CHRM3: variants seen among roughly 807,000 people sequenced by gnomAD.
CHRM3 encodes muscarinic acetylcholine receptor M3.
Under a neutral mutation model 41.8 loss-of-function variants are expected in CHRM3, and 11 were observed. The ratio of observed to expected loss-of-function variants is 0.26; its 90% CI spans 0.17 to 0.44. CHRM3 has a LOEUF of 0.44. Among genes scored for constraint, CHRM3 ranks in the 20% least tolerant of loss-of-function variants. CHRM3 has a pLI of 1.00. For missense variants in CHRM3, 571 were observed against 745.4 expected (o/e 0.77, Z 2.72); for synonymous variants, 297 against 301.4 (o/e 0.99, Z 0.15).
intron 1 of CHRM3, among the ~76,000 whole-genome samples, chr1:239,421,951 T>C (rs1189262806): frequency 6.6e-6 from 1 of 152,172 alleles, no homozygotes; most frequent in Non-Finnish European, 1.5e-5. Context: ...CAAAATTCAA[T>C]AATTGTAAGG....
chr1:239,849,057 A>G (rs1473270142), intron 6 of CHRM3, among the ~76,000 whole-genome samples: 1 of 152,208 alleles, frequency 6.6e-6, no homozygotes, highest in Non-Finnish European at 1.5e-5. Flanking sequence ...GGAACTTTCA[A>G]CAATTTTAAG....
chr1:239,710,861 G>C (rs1223533667), intron 5 of CHRM3, among the ~76,000 whole-genome samples: 2 of 151,712 alleles, frequency 1.3e-5, no homozygotes, highest in East Asian at 1.9e-4. Context: ...CAAACAACCT[G>C]CCGTGTTCCT....
At chr1:239,616,087 CAAAT>C (rs891073044) in intron 3 of CHRM3, among the ~76,000 whole-genome samples, 3 of 152,130 alleles carry the variant, frequency 2.0e-5, no homozygotes, top group African/African-American at 7.2e-5. Context: ...CTTAAATAAA[CAAAT>C]AAACAACTAT....
chr1:239,689,992 G>A (rs1659545233), intron 5 of CHRM3, among the ~76,000 whole-genome samples: 1 of 151,994 alleles, frequency 6.6e-6, no homozygotes, highest in South Asian at 2.1e-4. Context: ...CCCAGAACAC[G>A]CTTAAAGGAT....
chr1:239,704,740 T>C (rs1660987853), intron 5 of CHRM3: 1 of 152,148 alleles, frequency 6.6e-6, no homozygotes, highest in African/African-American at 2.4e-5. Context: ...AGGAAAGATA[T>C]ATTAATATTT....
intron 3 of CHRM3, among the ~76,000 whole-genome samples, chr1:239,567,405 T>C (rs1194236386): frequency 6.6e-6 from 1 of 152,122 alleles, no homozygotes; most frequent in Non-Finnish European, 1.5e-5. Context: ...TGTGATGCAG[T>C]TAACATTTTC....
At chr1:239,610,486 G>A (rs1164428923) in intron 3 of CHRM3, among the ~76,000 whole-genome samples, 1 of 152,038 alleles carries the variant, frequency 6.6e-6, no homozygotes, top group African/African-American at 2.4e-5. Context: ...CTCTAATGCT[G>A]CTCCTAATCT....
At chr1:239,441,204 T>C (rs1663689138) in intron 1 of CHRM3, among the ~76,000 whole-genome samples, 1 of 152,202 alleles carries the variant, frequency 6.6e-6, no homozygotes, top group Non-Finnish European at 1.5e-5. Flanking sequence ...GAAGGCACGC[T>C]TATAATTGGA....
chr1:239,662,759 C>A (rs935495393), intron 4 of CHRM3, among the ~76,000 whole-genome samples: 1 of 151,658 alleles, frequency 6.6e-6, no homozygotes, highest in African/African-American at 2.4e-5. Flanking sequence ...CGCTCCTCCT[C>A]CTCCTCCTCT....
At chr1:239,522,341 G>A (rs570815090) in intron 2 of CHRM3, among the ~76,000 whole-genome samples, 2 of 152,310 alleles carry the variant, frequency 1.3e-5, no homozygotes, top group South Asian at 2.1e-4. Context: ...TCACCAACTT[G>A]CCAGCCATGT....
At chr1:239,816,975 G>A (rs905735420) in intron 5 of CHRM3, among the ~76,000 whole-genome samples, 1 of 151,904 alleles carries the variant, frequency 6.6e-6, no homozygotes, top group East Asian at 1.9e-4. Context: ...CCCCCACCTC[G>A]GCCTCCCAAA....
chr1:239,739,241 C>T (rs959366385), intron 5 of CHRM3, among the ~76,000 whole-genome samples: 1 of 152,204 alleles, frequency 6.6e-6, no homozygotes, highest in African/African-American at 2.4e-5. Flanking sequence ...AAGCTCCTGT[C>T]ATTTCAGAAG....
intron 6 of CHRM3, among the ~76,000 whole-genome samples, chr1:239,830,843 A>G (rs193131477): frequency 2.0e-5 from 3 of 152,168 alleles, no homozygotes; most frequent in Admixed American, 2.0e-4. Context: ...GGACCACCCT[A>G]CAGACTCTCA....
chr1:239,532,626 A>C (rs1333389132), intron 2 of CHRM3, among the ~76,000 whole-genome samples: 1 of 150,868 alleles, frequency 6.6e-6, no homozygotes, highest in African/African-American at 2.4e-5. Flanking sequence ...GCCTCTCAAA[A>C]AAAAAAAAAA....
At chr1:239,507,179 G>A (rs1314003585) in intron 2 of CHRM3, among the ~76,000 whole-genome samples, 1 of 152,160 alleles carries the variant, frequency 6.6e-6, no homozygotes, top group African/African-American at 2.4e-5. Context: ...GTTTCGAAAT[G>A]TGATTTGTGA....
chr1:239,865,041 G>A (rs765356995), intron 6 of CHRM3, among the ~76,000 whole-genome samples: 49 of 152,272 alleles, frequency 3.2e-4, no homozygotes, highest in Admixed American at 4.6e-4. Context: ...GCTGTACCTC[G>A]CGGCATTGTA....
chr1:239,887,447 C>T (rs192235956), intron 6 of CHRM3, among the ~76,000 whole-genome samples: 92 of 152,258 alleles, frequency 6.0e-4, no homozygotes, highest in African/African-American at 2.1e-3. Flanking sequence ...AGTGATTTCC[C>T]CCAGCCTGAC....
intron 6 of CHRM3, among the ~76,000 whole-genome samples, chr1:239,863,479 G>A (rs539274224): frequency 6.6e-6 from 1 of 152,238 alleles, no homozygotes; most frequent in Admixed American, 6.5e-5. Flanking sequence ...TGCCTTACTG[G>A]CCAGAACCTT....
At chr1:239,653,659 A>G (rs1672443304) in intron 4 of CHRM3, among the ~76,000 whole-genome samples, 1 of 152,214 alleles carries the variant, frequency 6.6e-6, no homozygotes, top group Non-Finnish European at 1.5e-5. Context: ...CTTATCCAGT[A>G]GCAGAAAATA....
Sources: allele counts gnomAD v4.1 joint callset (sites outside exome capture counted in the v4.1 genomes callset), GRCh38; gene constraint gnomAD v4.1.1; transcripts MANE v1.5; gene names NCBI Gene and HGNC (gene_info 2026-07-23, HGNC 2026-07-21).